DOCK9: variants seen among roughly 807,000 people sequenced by gnomAD.
DOCK9 encodes the protein dedicator of cytokinesis 9.
Under a neutral mutation model 263.3 loss-of-function variants are expected in DOCK9, and 89 were observed. The observed-to-expected ratio is 0.34, with a 90% CI of 0.28 to 0.40. DOCK9 has a LOEUF of 0.40. Among genes scored for constraint, DOCK9 ranks in the 10% least tolerant of loss-of-function variants. The pLI, the probability that DOCK9 is intolerant of heterozygous loss-of-function variation, is 1.00. For synonymous variants in DOCK9, 976 were observed against 973.1 expected (o/e 1.00, Z -0.06); for missense variants, 2,140 against 2,603.4 (o/e 0.82, Z 3.87).
At chr13:99,041,480 C>CAAAA (rs11411001) in intron 1 of DOCK9, among the ~76,000 whole-genome samples, 1 of 137,252 alleles carries the variant, frequency 7.3e-6, no homozygotes, top group Non-Finnish European at 1.6e-5. Flanking sequence ...AAGACTGTCT[C>CAAAA]AAAAAAAAAA....
chr13:98,804,668 T>G (rs2090485832), intron 49 of DOCK9, among the ~76,000 whole-genome samples: 1 of 152,214 alleles, frequency 6.6e-6, no homozygotes, highest in African/African-American at 2.4e-5. Context: ...GTGTGGCTGC[T>G]GGACCTGGAG....
rs1291100182 is a variant in DOCK9, at chr13:98,881,942, G to T, written c.2625C>A (p.Phe875Leu). 1.9e-6 allele frequency: 3 copies of T among 1,599,788 alleles called. No individual in the cohort carries two copies. Among genetic ancestry groups the T allele is most frequent in the Non-Finnish European group, 2.6e-6 (3 of 1,173,308 alleles). The change falls in exon 24 of 53, where the codon TTC becomes TTA. Residue 875 changes from phenylalanine (F) to leucine (L), a missense_variant. Transcript: ENST00000682017. ...CCTGTGTGGCTCTGGTGAGGACTCG[G>T]AACAGCTGGTTTAGGATAGTGGGCA... is the stretch of plus-strand genomic sequence containing the variant. The part of the protein sequence containing the change: ...AFLPTILNQL[F>L]RVLTRATQEE...
chr13:98,879,405 T>C (rs566187358), intron 27 of DOCK9, among the ~76,000 whole-genome samples: 9 of 152,294 alleles, frequency 5.9e-5, no homozygotes, highest in African/African-American at 2.2e-4. Flanking sequence ...TTGATTGCTT[T>C]TGGAGAACAT....
At chr13:98,963,502 T>G (rs1208822046) in intron 1 of DOCK9, among the ~76,000 whole-genome samples, 1 of 152,308 alleles carries the variant, frequency 6.6e-6, no homozygotes, top group Admixed American at 6.5e-5. Context: ...TTGCCTCGGA[T>G]GTGATAGCTT....
upstream of DOCK9, among the ~76,000 whole-genome samples, chr13:98,980,252 T>A (rs1309886499): frequency 1.3e-5 from 2 of 152,258 alleles, no homozygotes; most frequent in African/African-American, 4.8e-5. Flanking sequence ...AACTTTAAGA[T>A]ATTTATTTGA....
intron 2 of DOCK9, among the ~76,000 whole-genome samples, chr13:98,932,663 C>T (rs1464346060): frequency 6.6e-6 from 1 of 152,128 alleles, no homozygotes; most frequent in Non-Finnish European, 1.5e-5. Flanking sequence ...AATTTATTTC[C>T]TGCCTGTATT....
chr13:98,902,852 A>G (rs1428569034), intron 11 of DOCK9, 120 bp downstream of exon 11: 41 of 1,020,814 alleles, frequency 4.0e-5, no homozygotes, highest in Non-Finnish European at 1.4e-6. Context: ...ATCCTGATCC[A>G]AACACTGCAC....
intron 1 of DOCK9, among the ~76,000 whole-genome samples, chr13:98,994,226 C>T (rs1468137291): frequency 6.6e-6 from 1 of 152,236 alleles, no homozygotes; most frequent in Non-Finnish European, 1.5e-5. Context: ...CTGTTCTGCC[C>T]ACTTGGGCTT....
At chr13:98,937,973 A>G (rs1402407616) in intron 2 of DOCK9, among the ~76,000 whole-genome samples, 1 of 152,192 alleles carries the variant, frequency 6.6e-6, no homozygotes, top group Non-Finnish European at 1.5e-5. Flanking sequence ...AAAGGGAGCA[A>G]GTGGAGGTAC....
In DOCK9 at chr13:98,932,758, T is replaced by C. The variant is rs1195601751; in HGVS notation, c.244-2501A>G. On this transcript the variant is annotated intron_variant, in intron 2 of 52. Transcript: ENST00000682017. ...TTTGAAAGTAATCTTAAAGCCTATTTTTAGAATAAGGCTCCCCATTCTAAA... is the reference window on the plus strand; with the variant it reads ...TTTGAAAGTAATCTTAAAGCCTATTCTTAGAATAAGGCTCCCCATTCTAAA... 2.6e-5 allele frequency among the ~76,000 whole-genome samples: 4 copies of C among 152,326 alleles called. No individual in the cohort carries two copies. In the East Asian group the frequency reaches 7.7e-4, roughly 29 times the overall value.
At chr13:98,861,680 T>G (rs2093874900) in intron 32 of DOCK9, among the ~76,000 whole-genome samples, 1 of 152,208 alleles carries the variant, frequency 6.6e-6, no homozygotes, top group South Asian at 2.1e-4. Flanking sequence ...CAAGAATCCT[T>G]TTTAAAAAAC....
At chr13:98,811,903 A>G (rs1307517937) in intron 45 of DOCK9, among the ~76,000 whole-genome samples, 4 of 152,098 alleles carry the variant, frequency 2.6e-5, no homozygotes, top group African/African-American at 9.7e-5. Context: ...TACATTTTAG[A>G]CTATGACCCA....
At chr13:98,898,700 A>G (rs2047802391) in intron 13 of DOCK9, among the ~76,000 whole-genome samples, 1 of 152,232 alleles carries the variant, frequency 6.6e-6, no homozygotes, top group Non-Finnish European at 1.5e-5. Context: ...CCTAAAGCGC[A>G]CTAGCTTATG....
At chr13:98,802,400 G>A (rs754239770) in intron 49 of DOCK9, among the ~76,000 whole-genome samples, 5 of 152,218 alleles carry the variant, frequency 3.3e-5, no homozygotes, top group Non-Finnish European at 5.9e-5. Context: ...TCTGGAAGGT[G>A]GACAATTAGG....
intron 36 of DOCK9, among the ~76,000 whole-genome samples, chr13:98,848,998 C>G (rs1045856741): frequency 9.8e-5 from 15 of 152,288 alleles, no homozygotes; most frequent in Non-Finnish European, 1.6e-4. Flanking sequence ...GCACACTGTT[C>G]CAAGTTACTT....
At position 98,977,898 on chromosome 13, in the gene DOCK9, A is replaced by G; in HGVS notation, c.12T>C (p.Asp4=). 6 of 1,590,758 alleles carry G rather than the reference A, an allele frequency of 3.8e-6. No individual in the cohort carries two copies. Among genetic ancestry groups the G allele is most frequent in the Non-Finnish European group, 5.1e-6 (6 of 1,167,514 alleles). Residue 4 remains aspartate, a synonymous_variant, in exon 1 of 53, where the codon GAT becomes GAC. Transcript: ENST00000682017. ...CACTTCTACTACTTGTCCTGCATTT[A>G]TCAGCCTGCATTCTCGGCTGAAAAC... The part of the protein sequence containing the change: MQA[D]KCRTSSRSVK...
At chr13:98,944,382 G>GGAA (rs1469952703) in intron 2 of DOCK9, among the ~76,000 whole-genome samples, 4 of 73,178 alleles carry the variant, frequency 5.5e-5, no homozygotes, top group Non-Finnish European at 7.7e-5. Context: ...CACTATATGA[G>GGAA]AAAAAAAAAA....
chr13:98,798,501 T>TG (rs957248809), intron 50 of DOCK9, among the ~76,000 whole-genome samples: 4 of 152,036 alleles, frequency 2.6e-5, no homozygotes, highest in Admixed American at 2.0e-4. Context: ...GGCTGGTGCG[T>TG]GGGGGGAACT....
intron 1 of DOCK9, among the ~76,000 whole-genome samples, chr13:99,002,133 A>G (rs1228460792): frequency 6.6e-6 from 1 of 152,178 alleles, no homozygotes; most frequent in Non-Finnish European, 1.5e-5. Flanking sequence ...AAATTCTAGT[A>G]AAAAGTAAAT....
Sources: allele counts gnomAD v4.1 joint callset (sites outside exome capture counted in the v4.1 genomes callset), GRCh38; gene constraint gnomAD v4.1.1; transcripts MANE v1.5; gene names NCBI Gene and HGNC (gene_info 2026-07-23, HGNC 2026-07-21).